Variants in BCAT1 observed in about 807,000 individuals in gnomAD.
BCAT1 encodes the protein branched-chain-amino-acid aminotransferase, cytosolic.
A neutral mutation model predicts 52.4 loss-of-function variants in BCAT1; 48 were observed. The ratio of observed to expected loss-of-function variants is 0.92; its 90% CI spans 0.73 to 1.16. The LOEUF (loss-of-function observed/expected upper bound fraction) is 1.16. BCAT1 is among the 50% of genes most tolerant of loss of function. The pLI, the probability that BCAT1 is intolerant of heterozygous loss-of-function variation, is 0.00. For synonymous variants in BCAT1, 167 were observed against 161.3 expected (o/e 1.04, Z -0.27); for missense variants, 451 against 457.1 (o/e 0.99, Z 0.12).
At chr12:24,911,782 T>C (rs2139702974) in intron 1 of BCAT1, among the ~76,000 whole-genome samples, 1 of 152,198 alleles carries the variant, frequency 6.6e-6, no homozygotes, top group South Asian at 2.1e-4. Context: ...AGCCTCTAGG[T>C]CATCTCCAGG....
chr12:24,902,023 C>T lies in BCAT1; in HGVS notation c.7-138G>A, dbSNP rs970460214. The T allele has an allele frequency of 1.1e-5, 17 of 1,572,862 alleles. No homozygotes were observed. The African/African-American group carries it at 1.8e-4, about 16-fold the overall frequency. On this transcript the variant is annotated intron_variant, in intron 1 of 10. Transcript: ENST00000261192. ...AACACAAAAAAGGAGGCTCAGACAACCAAGCACCCAGGCCCGAACCTCCAA... is the reference window on the plus strand; with the variant it reads ...AACACAAAAAAGGAGGCTCAGACAATCAAGCACCCAGGCCCGAACCTCCAA...
At chr12:24,869,368 C>T (rs959571123) in intron 5 of BCAT1, among the ~76,000 whole-genome samples, 4 of 152,166 alleles carry the variant, frequency 2.6e-5, no homozygotes, top group Non-Finnish European at 4.4e-5. Flanking sequence ...TGGGTGGTAC[C>T]TGGGATTCAA....
At chr12:24,822,043 T>C (rs984406622) in intron 10 of BCAT1, among the ~76,000 whole-genome samples, 5 of 152,092 alleles carry the variant, frequency 3.3e-5, no homozygotes, top group South Asian at 2.1e-4. Context: ...GTGAGTATGA[T>C]GGTGAGTAAC....
At chr12:24,921,099 T>G (rs1489680106) in intron 1 of BCAT1, among the ~76,000 whole-genome samples, 1 of 152,008 alleles carries the variant, frequency 6.6e-6, no homozygotes, top group Admixed American at 6.5e-5. Flanking sequence ...AAAACACTTC[T>G]TAGAAGCTCC....
At chr12:24,864,179 A>C (rs1298708774) in intron 5 of BCAT1, among the ~76,000 whole-genome samples, 1 of 152,186 alleles carries the variant, frequency 6.6e-6, no homozygotes, top group Admixed American at 6.5e-5. Context: ...CTAAGTGACA[A>C]GAAAATGCTA....
chr12:24,912,745 G>C (rs1044746144), intron 1 of BCAT1, among the ~76,000 whole-genome samples: 8 of 151,190 alleles, frequency 5.3e-5, no homozygotes, highest in Non-Finnish European at 8.8e-5. Flanking sequence ...TGGGAAGACA[G>C]TAATCTTTTG....
chr12:24,820,992 T>C (rs1940100612), intron 10 of BCAT1, among the ~76,000 whole-genome samples: 1 of 152,140 alleles, frequency 6.6e-6, no homozygotes, highest in African/African-American at 2.4e-5. Context: ...AGCTTTGTAA[T>C]CCTGTAACAC....
In BCAT1 at chr12:24,894,062, C is replaced by T. The variant is rs189703191; in HGVS notation, c.279+213G>A. Among the ~76,000 whole-genome samples the T allele has an allele frequency of 7.2e-5, 11 of 152,188 alleles. No individual in the cohort carries two copies. In the South Asian group the frequency reaches 1.0e-3, roughly 14 times the overall value. On this transcript the variant is annotated intron_variant, in intron 3 of 10. Coordinates refer to ENST00000261192, the MANE Select transcript of BCAT1 (RefSeq NM_005504.7). ...TTGCTTTAAATAATTTTTTTATTGA[C>T]GTCACAGAAAATGCAAGATTATCTG...
At chr12:24,942,831 G>A (rs1191122845) in intron 1 of BCAT1, among the ~76,000 whole-genome samples, 7 of 152,212 alleles carry the variant, frequency 4.6e-5, no homozygotes, top group Non-Finnish European at 8.8e-5. Context: ...GGTATGAACC[G>A]AGTTCTATTC....
intron 6 of BCAT1, among the ~76,000 whole-genome samples, chr12:24,847,599 GAGAGAGAGAAAA>G (rs1941385547): frequency 6.6e-6 from 1 of 152,176 alleles, no homozygotes; most frequent in South Asian, 2.1e-4. Flanking sequence ...GCATGTGCAA[GAGAGAGAGAAAA>G]AGAGAGAAAG....
chr12:24,840,658 T>A (rs934158443), intron 7 of BCAT1, among the ~76,000 whole-genome samples: 1 of 152,198 alleles, frequency 6.6e-6, no homozygotes, highest in Non-Finnish European at 1.5e-5. Context: ...AGTATAAGAC[T>A]CATCTTGTTA....
chr12:24,916,040 T>G (rs1191847954), intron 1 of BCAT1, among the ~76,000 whole-genome samples: 1 of 152,104 alleles, frequency 6.6e-6, no homozygotes, highest in Non-Finnish European at 1.5e-5. Context: ...ATGCCTGTAA[T>G]CCCAGCTACT....
chr12:24,911,718 C>T (rs1259210663), intron 1 of BCAT1, among the ~76,000 whole-genome samples: 1 of 152,136 alleles, frequency 6.6e-6, no homozygotes, highest in South Asian at 2.1e-4. Flanking sequence ...ACCCCTCGTC[C>T]TCATTTGCAC....
chr12:24,850,289 G>A (rs1322008002), intron 5 of BCAT1, among the ~76,000 whole-genome samples: 1 of 152,188 alleles, frequency 6.6e-6, no homozygotes, highest in East Asian at 1.9e-4. Context: ...ATTGGGAATT[G>A]AGAAAGGGGA....
chr12:24,919,809 T>C (rs955171543), intron 1 of BCAT1, among the ~76,000 whole-genome samples: 5 of 152,236 alleles, frequency 3.3e-5, no homozygotes, highest in Non-Finnish European at 5.9e-5. Flanking sequence ...AACTGAATCA[T>C]GGGGGCGGTT....
chr12:24,834,610 T>G, intron 8 of BCAT1: 1 of 981,718 alleles, frequency 1.0e-6, no homozygotes, highest in Middle Eastern at 5.2e-4. Context: ...TTGGCAATAT[T>G]CAAAATATTT....
chr12:24,841,916 GAAAA>G (rs918072131), intron 7 of BCAT1, among the ~76,000 whole-genome samples, 162 bp downstream of exon 7: 1 of 151,650 alleles, frequency 6.6e-6, no homozygotes, highest in Admixed American at 6.6e-5. Context: ...AAGAAAGAAA[GAAAA>G]AAAAGAAACT....
chr12:24,926,527 TGTG>T (rs1205108987), intron 1 of BCAT1, among the ~76,000 whole-genome samples: 1 of 152,086 alleles, frequency 6.6e-6, no homozygotes, highest in African/African-American at 2.4e-5. Context: ...AAGGGGGAAA[TGTG>T]GGGAAAAGAT....
Position 24,881,198 on chromosome 12 carries a change from T to A in BCAT1, c.390+103A>T, listed in dbSNP as rs546797002. 3 of 818,434 alleles carry A rather than the reference T, an allele frequency of 3.7e-6. No homozygotes were observed. The Admixed American group carries it at 8.0e-5, about 22-fold the overall frequency. 50.7% of individuals were successfully genotyped at this position (818,434 alleles called of 1,614,324 possible). On this transcript the variant is annotated intron_variant, in intron 4 of 10. Transcript: ENST00000261192. ...ATAATGTTAATGTTCATATGGTTTG[T>A]ACTGAATATTTATCTAACTATTCAG...
Sources: gnomAD v4.1 joint callset for allele counts (sites outside exome capture counted in the v4.1 genomes callset) on GRCh38, gnomAD v4.1.1 for gene constraint, MANE v1.5 for transcripts, NCBI Gene and HGNC (gene_info 2026-07-23, HGNC 2026-07-21) for gene names.